SNX9: variants seen among roughly 807,000 people sequenced by gnomAD.
SNX9 encodes the protein sorting nexin-9.
SNX9 carries 44 observed loss-of-function variants against 89.4 expected under a neutral mutation model. The observed-to-expected ratio is 0.49, with a 90% CI of 0.39 to 0.63. SNX9 has a LOEUF of 0.63. Ranked by LOEUF, SNX9 falls within the 30% of genes least tolerant of loss-of-function variation. SNX9 has a pLI of 0.00. For synonymous variants in SNX9, 236 were observed against 247.8 expected (o/e 0.95, Z 0.45); for missense variants, 578 against 736.1 (o/e 0.79, Z 2.49).
At chr6:157,880,906 A>C (rs994765153) in intron 4 of SNX9, among the ~76,000 whole-genome samples, 1 of 152,240 alleles carries the variant, frequency 6.6e-6, no homozygotes, top group Non-Finnish European at 1.5e-5. Context: ...TTTTGGAAAA[A>C]GTAAATGAAA....
Position 157,823,343 on chromosome 6 carries a change from C to G in SNX9, c.-92C>G. On this transcript the variant is annotated 5_prime_UTR_variant, in exon 1 of 18. Coordinates refer to ENST00000392185, the MANE Select transcript of SNX9 (RefSeq NM_016224.5). The surrounding 1 kb of genome is among the most constrained non-coding windows in gnomAD (Gnocchi z 4.6). ...CGCCGGGGCCCAGCCGGAGCCGCCGCCCTCGCCCTTGCCTTTGCCTGCGCG... is the reference window on the plus strand; with the variant it reads ...CGCCGGGGCCCAGCCGGAGCCGCCGGCCTCGCCCTTGCCTTTGCCTGCGCG... 8.7e-7 allele frequency: 1 copy of G among 1,153,914 alleles called. No homozygotes were observed. Among genetic ancestry groups the G allele is most frequent in the Non-Finnish European group, 1.1e-6 (1 of 918,602 alleles). 71.5% of individuals were successfully genotyped at this position (1,153,914 alleles called of 1,614,324 possible).
intron 4 of SNX9, among the ~76,000 whole-genome samples, chr6:157,892,482 A>C (rs907949551): frequency 2.6e-5 from 4 of 152,162 alleles, no homozygotes; most frequent in African/African-American, 4.8e-5. Context: ...CAGGAAAAAA[A>C]AAAACAAAAC....
At chr6:157,931,667 C>T (rs967135480) in intron 12 of SNX9, among the ~76,000 whole-genome samples, 16 of 152,310 alleles carry the variant, frequency 1.1e-4, no homozygotes, top group Middle Eastern at 3.4e-3. Flanking sequence ...TACCTTGTTG[C>T]TTTCAGTCTT....
At chr6:157,832,323 T>A (rs1017768985) in intron 1 of SNX9, among the ~76,000 whole-genome samples, 1 of 152,206 alleles carries the variant, frequency 6.6e-6, no homozygotes, top group Non-Finnish European at 1.5e-5. Context: ...CACAACTCAT[T>A]CATTTGAACT....
chr6:157,941,705 T>C (rs1784039608), intron 17 of SNX9, among the ~76,000 whole-genome samples: 2 of 152,200 alleles, frequency 1.3e-5, no homozygotes, highest in Non-Finnish European at 2.9e-5. Context: ...TGCTCAGCCA[T>C]ACTGGTGGCA....
chr6:157,886,563 A>T (rs766039723), intron 4 of SNX9, among the ~76,000 whole-genome samples: 7 of 152,230 alleles, frequency 4.6e-5, no homozygotes, highest in Non-Finnish European at 8.8e-5. Context: ...TATAAATGGT[A>T]ATGGTTTACC....
At chr6:157,848,250 G>A (rs184088134) in intron 1 of SNX9, among the ~76,000 whole-genome samples, 33 of 152,138 alleles carry the variant, frequency 2.2e-4, no homozygotes, top group Admixed American at 2.2e-3. Context: ...AAACATACCG[G>A]CTACCTAGCT....
chr6:157,911,286 A>G (rs1429192153), intron 9 of SNX9, among the ~76,000 whole-genome samples: 2 of 152,168 alleles, frequency 1.3e-5, no homozygotes, highest in African/African-American at 2.4e-5. Context: ...GGCCTGTAAG[A>G]GATGTAAAAG....
At chr6:157,929,475 T>C (rs1783764743) in intron 12 of SNX9, among the ~76,000 whole-genome samples, 1 of 152,236 alleles carries the variant, frequency 6.6e-6, no homozygotes, top group African/African-American at 2.4e-5. Context: ...GTCCTAGGAC[T>C]TCTCTCCTTT....
chr6:157,834,704 A>G (rs1781550739), intron 1 of SNX9, among the ~76,000 whole-genome samples: 3 of 152,000 alleles, frequency 2.0e-5, no homozygotes, highest in African/African-American at 4.8e-5. Context: ...CCAAGTGCCC[A>G]TCTGAGCACG....
intron 9 of SNX9, among the ~76,000 whole-genome samples, chr6:157,915,260 G>A (rs1417522920): frequency 1.3e-5 from 2 of 151,978 alleles, no homozygotes; most frequent in Non-Finnish European, 2.9e-5. Flanking sequence ...TTACAAAATT[G>A]TTTTGGCTAT....
intron 1 of SNX9, among the ~76,000 whole-genome samples, chr6:157,844,164 G>T (rs1316995401): frequency 1.3e-5 from 2 of 152,024 alleles, no homozygotes; most frequent in Non-Finnish European, 2.9e-5. Flanking sequence ...CGCCCAATGG[G>T]TTCACTTTGC....
chr6:157,857,730 G>A (rs1583202407), intron 1 of SNX9, among the ~76,000 whole-genome samples: 1 of 145,986 alleles, frequency 6.8e-6, no homozygotes, highest in African/African-American at 2.5e-5. Context: ...GGATTAGTTT[G>A]TCCTGTTTCA....
intron 1 of SNX9, among the ~76,000 whole-genome samples, chr6:157,850,264 T>C (rs1227499612): frequency 1.3e-5 from 2 of 152,182 alleles, no homozygotes; most frequent in Non-Finnish European, 2.9e-5. Context: ...GGTGTCAGTG[T>C]GGGCAAGGCT....
At chr6:157,837,851 CTGCACTGTTCAGTTTCT>C (rs911552257) in intron 1 of SNX9, among the ~76,000 whole-genome samples, 2 of 152,340 alleles carry the variant, frequency 1.3e-5, no homozygotes, top group African/African-American at 4.8e-5. Context: ...GGCAACTGAA[CTGCACTGTTCAGTTTCT>C]TGTGGGTTCC....
chr6:157,879,628 A>C (rs1782586561), intron 4 of SNX9, among the ~76,000 whole-genome samples: 1 of 152,242 alleles, frequency 6.6e-6, no homozygotes, highest in Non-Finnish European at 1.5e-5. Context: ...GTTATTTCAC[A>C]GTTTCAAGAG....
chr6:157,855,915 T>C (rs1782000877), intron 1 of SNX9, among the ~76,000 whole-genome samples: 1 of 152,144 alleles, frequency 6.6e-6, no homozygotes, highest in South Asian at 2.1e-4. Context: ...ATTTTTTTGT[T>C]TTTTTGTATT....
chr6:157,924,505 T>G (rs1783649014), intron 10 of SNX9: 1 of 152,552 alleles, frequency 6.6e-6, no homozygotes, highest in African/African-American at 2.4e-5. Flanking sequence ...CTCAAAAGTA[T>G]TGCAAGCAAC....
At chr6:157,884,719 G>C (rs1354634842) in intron 4 of SNX9, among the ~76,000 whole-genome samples, 1 of 152,124 alleles carries the variant, frequency 6.6e-6, no homozygotes, top group Non-Finnish European at 1.5e-5. Context: ...TACTAACCTT[G>C]TGTGCTTTTT....
Sources: gnomAD v4.1 joint callset for allele counts (sites outside exome capture counted in the v4.1 genomes callset) on GRCh38, gnomAD v4.1.1 for gene constraint, Gnocchi (gnomAD v3.1) non-coding constraint, MANE v1.5 for transcripts, NCBI Gene and HGNC (gene_info 2026-07-23, HGNC 2026-07-21) for gene names.